The following TRHDE variants were observed in gnomAD, a reference collection of about 807,000 sequenced individuals.
TRHDE encodes thyrotropin releasing hormone degrading enzyme, also known as thyrotropin-releasing hormone-degrading ectoenzyme.
TRHDE carries 72 observed loss-of-function variants against 125.7 expected under a neutral mutation model. The ratio of observed to expected loss-of-function variants is 0.57; its 90% CI spans 0.47 to 0.70. The LOEUF (loss-of-function observed/expected upper bound fraction) is 0.70. Among genes scored for constraint, TRHDE ranks in the 30% least tolerant of loss-of-function variants. The pLI, the probability that TRHDE is intolerant of heterozygous loss-of-function variation, is 0.00. For synonymous variants in TRHDE, 509 were observed against 509.1 expected (o/e 1.00, Z 0.00); for missense variants, 1,110 against 1,327.1 (o/e 0.84, Z 2.54).
chr12:72,633,924 G>A (rs2136089215), intron 15 of TRHDE, among the ~76,000 whole-genome samples: 1 of 151,930 alleles, frequency 6.6e-6, no homozygotes, highest in Middle Eastern at 3.4e-3. Flanking sequence ...TACTCATTTG[G>A]GAAAGATGGT....
At chr12:72,546,049 C>T (rs777187807) in intron 7 of TRHDE, among the ~76,000 whole-genome samples, 6 of 151,570 alleles carry the variant, frequency 4.0e-5, no homozygotes, top group Admixed American at 6.6e-5. Context: ...TTTTCAGAGA[C>T]AAGAAAAGCT....
At chr12:72,463,836 C>T (rs1007855460) in intron 3 of TRHDE, among the ~76,000 whole-genome samples, 25 of 152,122 alleles carry the variant, frequency 1.6e-4, no homozygotes. Context: ...GATTATTCAT[C>T]AGAAGGGTAA....
At chr12:72,216,941 G>T (rs1469625572) in intron 2 of TRHDE, among the ~76,000 whole-genome samples, 3 of 149,064 alleles carry the variant, frequency 2.0e-5, no homozygotes, top group Non-Finnish European at 3.0e-5. Context: ...TGCATTTTGT[G>T]TCTGAATGGA....
chr12:72,577,299 A>G (rs1202546701), intron 12 of TRHDE, among the ~76,000 whole-genome samples: 1 of 152,156 alleles, frequency 6.6e-6, no homozygotes, highest in Admixed American at 6.5e-5. Context: ...TATATATAGT[A>G]ATTTGTTTAA....
chr12:72,641,610 C>A (rs1407668233), intron 15 of TRHDE, among the ~76,000 whole-genome samples: 2 of 152,076 alleles, frequency 1.3e-5, no homozygotes, highest in Non-Finnish European at 2.9e-5. Flanking sequence ...TAATCTATAT[C>A]ATTGTCAGTT....
At chr12:72,322,264 A>C (rs892893406) in intron 2 of TRHDE, among the ~76,000 whole-genome samples, 2 of 152,018 alleles carry the variant, frequency 1.3e-5, no homozygotes, top group African/African-American at 2.4e-5. Flanking sequence ...TTTGTGGTCT[A>C]TTTAGTGCCA....
At chr12:72,328,966 T>G (rs1164664866) in intron 2 of TRHDE, among the ~76,000 whole-genome samples, 2 of 152,168 alleles carry the variant, frequency 1.3e-5, no homozygotes, top group African/African-American at 4.8e-5. Context: ...TTTATATGGT[T>G]TCATTTCTCT....
chr12:72,156,877 C>T (rs547121342), intron 2 of TRHDE, among the ~76,000 whole-genome samples: 11 of 152,242 alleles, frequency 7.2e-5, no homozygotes, highest in Non-Finnish European at 1.5e-4. Context: ...AGTCCTTGCC[C>T]TTTTAAAGCT....
At chr12:72,521,017 G>A (rs117398304) in intron 6 of TRHDE, among the ~76,000 whole-genome samples, 2,318 of 152,230 alleles carry the variant, frequency 0.015, 19 homozygotes, top group Non-Finnish European at 0.025. Flanking sequence ...ATAATAGCTC[G>A]TGAGTAGCAG....
intron 1 of TRHDE, among the ~76,000 whole-genome samples, chr12:72,093,257 T>C (rs1193275596): frequency 2.0e-5 from 3 of 152,198 alleles, no homozygotes; most frequent in Non-Finnish European, 4.4e-5. Context: ...AATTTCCTTT[T>C]TGTCCTTGAC....
In TRHDE at chr12:72,653,286, T is replaced by C. The variant is rs910342431; in HGVS notation, c.2984+130T>C. 21 of 599,096 alleles carry C rather than the reference T, an allele frequency of 3.5e-5. 1 individual carries two copies. The Admixed American group carries it at 8.6e-4, about 25-fold the overall frequency. The allele number at this position is 599,096 out of a possible 1,614,324, so 37.1% of individuals were successfully genotyped here. On this transcript the variant is annotated intron_variant, in intron 17 of 18. Coordinates refer to ENST00000261180, the MANE Select transcript of TRHDE (RefSeq NM_013381.3). ...TATTAAAATATTCAACCAAGATAAA[T>C]GTTGCCACTCCCGTGGAACTCCAAA... is the stretch of plus-strand genomic sequence containing the variant.
At chr12:72,584,287 CATAAT>C (rs1329529591) in intron 12 of TRHDE, among the ~76,000 whole-genome samples, 1 of 151,694 alleles carries the variant, frequency 6.6e-6, no homozygotes, top group Non-Finnish European at 1.5e-5. Flanking sequence ...TTTCAATTGA[CATAAT>C]ATTTTATGTA....
intron 3 of TRHDE, among the ~76,000 whole-genome samples, chr12:72,456,519 A>C (rs980113280): frequency 6.6e-6 from 1 of 152,024 alleles, no homozygotes; most frequent in Admixed American, 6.6e-5. Flanking sequence ...GAAGGTTATC[A>C]TTTTCTTCAT....
At chr12:72,380,747 C>CTTCCTTCCTTCCTTCT (rs1872117475) in intron 3 of TRHDE, among the ~76,000 whole-genome samples, 6 of 95,826 alleles carry the variant, frequency 6.3e-5, no homozygotes, top group African/African-American at 3.8e-4. Context: ...TCCTTCCTTC[C>CTTCCTTCCTTCCTTCT]TTCCTTCCTT....
chr12:72,524,286 C>G (rs1308869501), intron 6 of TRHDE, among the ~76,000 whole-genome samples: 2 of 152,140 alleles, frequency 1.3e-5, no homozygotes, highest in Non-Finnish European at 2.9e-5. Flanking sequence ...AATTATTTCC[C>G]TTATCCTGCA....
At chr12:72,562,336 T>C (rs1327710672) in intron 8 of TRHDE, 106 bp downstream of exon 8, 5 of 533,936 alleles carry the variant, frequency 9.4e-6, no homozygotes, top group Non-Finnish European at 1.7e-5. Flanking sequence ...GTTTTTACTT[T>C]TTACATTTTT....
At chr12:72,294,722 C>G (rs1195033603) in intron 2 of TRHDE, among the ~76,000 whole-genome samples, 2 of 152,152 alleles carry the variant, frequency 1.3e-5, no homozygotes, top group Non-Finnish European at 2.9e-5. Context: ...ACCCAGGAAT[C>G]TTTCTGCCTC....
chr12:72,479,704 C>T (rs1485669236), intron 5 of TRHDE, among the ~76,000 whole-genome samples: 2 of 148,332 alleles, frequency 1.3e-5, no homozygotes, highest in African/African-American at 5.0e-5. Flanking sequence ...GGTACATGTG[C>T]ACAATGTGCA....
chr12:72,606,026 T>C (rs1872427227), intron 12 of TRHDE, among the ~76,000 whole-genome samples: 1 of 152,202 alleles, frequency 6.6e-6, no homozygotes, highest in African/African-American at 2.4e-5. Flanking sequence ...TTTCTCTAAC[T>C]GATGGCTGAG....
Sources: gnomAD v4.1 joint callset for allele counts (sites outside exome capture counted in the v4.1 genomes callset) on GRCh38, gnomAD v4.1.1 for gene constraint, MANE v1.5 for transcripts, NCBI Gene and HGNC (gene_info 2026-07-23, HGNC 2026-07-21) for gene names.